Variants in PLCH1 observed in about 807,000 individuals in gnomAD.
The protein encoded by PLCH1 is phospholipase C eta 1, also known as 1-phosphatidylinositol 4,5-bisphosphate phosphodiesterase eta-1.
A neutral mutation model predicts 126.7 loss-of-function variants in PLCH1; 60 were observed. That is an observed-to-expected ratio of 0.47 (90% CI 0.38 to 0.59). PLCH1 has a LOEUF of 0.59. Among genes scored for constraint, PLCH1 ranks in the 20% least tolerant of loss-of-function variants. The pLI is 0.00. For missense variants in PLCH1, 1,723 were observed against 2,040.0 expected (o/e 0.84, Z 2.99); for synonymous variants, 719 against 734.9 (o/e 0.98, Z 0.35).
chr3:155,471,512 G>C (rs1713228864), intron 21 of PLCH1, among the ~76,000 whole-genome samples: 1 of 146,838 alleles, frequency 6.8e-6, no homozygotes, highest in African/African-American at 2.5e-5. Flanking sequence ...ACATTAGACA[G>C]ATCAACGAGA....
In PLCH1 at chr3:155,741,979, AC is replaced by A. The variant is rs1486345197; in HGVS notation, c.-41+2860del. Among the ~76,000 whole-genome samples, 7 of 152,320 alleles carry A rather than the reference AC, an allele frequency of 4.6e-5. No homozygotes were observed. In the East Asian group the frequency reaches 1.3e-3, roughly 29 times the overall value. ...ACATAATGCTTCCTATCCTAGATGT[AC>A]AGCCTTATCTAAATTACTCAGTTTC... On this transcript the variant is annotated intron_variant, in intron 1 of 22. Coordinates refer to ENST00000460012, the MANE Select transcript of PLCH1 (RefSeq NM_014996.4).
At chr3:155,530,457 C>T in intron 10 of PLCH1, among the ~76,000 whole-genome samples, 1 of 151,832 alleles carries the variant, frequency 6.6e-6, no homozygotes, top group Admixed American at 6.6e-5. Context: ...GCTGGGACTA[C>T]AGGTGCCTGC....
intron 2 of PLCH1, among the ~76,000 whole-genome samples, chr3:155,646,791 G>A (rs1740111007): frequency 6.6e-6 from 1 of 152,112 alleles, no homozygotes; most frequent in South Asian, 2.1e-4. Context: ...CCTGCCCCAA[G>A]CTCACGCTCT....
intron 2 of PLCH1, among the ~76,000 whole-genome samples, chr3:155,637,204 C>G (rs1054249340): frequency 6.6e-6 from 1 of 152,144 alleles, no homozygotes; most frequent in Non-Finnish European, 1.5e-5. Context: ...GTAAACTATA[C>G]CTGGATGCAG....
rs1389108153 is a variant in PLCH1, at chr3:155,583,550, C to T, written c.693G>A (p.Leu231=). Residue 231 remains leucine (L), a synonymous_variant, in exon 6 of 23, where the codon TTG becomes TTA. Coordinates refer to ENST00000460012, the MANE Select transcript of PLCH1 (RefSeq NM_014996.4). ...TCTTGTCACTGTAGCTCAAAAGTAA[C>T]AAATAAAGGTCTCGTCTCAAAGACA... The part of the protein sequence containing the change: ...KMMSLRRDLY[L]LLLSYSDKKD... 3 of 1,604,178 alleles carry T rather than the reference C, an allele frequency of 1.9e-6. No individual in the cohort carries two copies. Among genetic ancestry groups the T allele is most frequent in the Non-Finnish European group, 2.5e-6 (3 of 1,177,054 alleles).
chr3:155,679,450 G>A (rs1463617315), intron 2 of PLCH1, among the ~76,000 whole-genome samples: 4 of 152,134 alleles, frequency 2.6e-5, no homozygotes, highest in Non-Finnish European at 4.4e-5. Context: ...CCCAGTGGCT[G>A]GAAAAATAAA....
chr3:155,581,248 A>C (rs146275722), intron 6 of PLCH1, among the ~76,000 whole-genome samples: 26 of 152,210 alleles, frequency 1.7e-4, no homozygotes, highest in Non-Finnish European at 3.8e-4. Flanking sequence ...ATCCAGATCC[A>C]GACTGAAAGA....
intron 6 of PLCH1, among the ~76,000 whole-genome samples, chr3:155,575,466 C>T (rs192914676): frequency 1.8e-4 from 28 of 152,216 alleles, no homozygotes; most frequent in African/African-American, 5.1e-4. Context: ...AGCTACTACA[C>T]GGGTAATGTA....
intron 8 of PLCH1, 105 bp downstream of exon 8, chr3:155,564,810 G>C (rs1192404428): frequency 2.9e-6 from 2 of 692,484 alleles, no homozygotes; most frequent in African/African-American, 3.5e-5. Flanking sequence ...GTACTAATTA[G>C]TGTGAGAGTG....
Position 155,601,698 on chromosome 3 carries a change from T to C in PLCH1, c.80-5320A>G, listed in dbSNP as rs1733754380. Among the ~76,000 whole-genome samples, 2 of 152,190 alleles carry C rather than the reference T, an allele frequency of 1.3e-5. 1 individual carries two copies. The highest frequency in any genetic ancestry group is 4.1e-4 in the South Asian group (2 of 4,824). Reference sequence around the variant, plus strand: ...CATACATGCCACCTGATGCTGATTTTTTTTTACAGTTTTACTGAGGTGTCA... The same window carrying C: ...CATACATGCCACCTGATGCTGATTTCTTTTTACAGTTTTACTGAGGTGTCA... On this transcript the variant is annotated intron_variant, in intron 2 of 22. Transcript: ENST00000460012.
At chr3:155,684,588 A>C (rs1436465426) in intron 2 of PLCH1, among the ~76,000 whole-genome samples, 3 of 151,520 alleles carry the variant, frequency 2.0e-5, no homozygotes, top group African/African-American at 7.3e-5. Context: ...CATTTTATTA[A>C]AAAAAAAGAT....
At chr3:155,649,036 G>T (rs1222821970) in intron 2 of PLCH1, among the ~76,000 whole-genome samples, 2 of 152,184 alleles carry the variant, frequency 1.3e-5, no homozygotes, top group African/African-American at 2.4e-5. Flanking sequence ...TAAGCAAGGA[G>T]GTAACCTGAT....
chr3:155,721,919 T>C (rs1359268343), intron 1 of PLCH1, among the ~76,000 whole-genome samples: 2 of 152,030 alleles, frequency 1.3e-5, no homozygotes, highest in Non-Finnish European at 2.9e-5. Context: ...TGGTGGCACA[T>C]GCCTGTAATC....
At chr3:155,513,193 C>T (rs1293385381) in intron 12 of PLCH1, among the ~76,000 whole-genome samples, 4 of 152,140 alleles carry the variant, frequency 2.6e-5, no homozygotes, top group South Asian at 4.1e-4. Context: ...CAGAGGGCCT[C>T]GTCTCAACAG....
At chr3:155,547,739 A>G (rs906379452) in intron 10 of PLCH1, among the ~76,000 whole-genome samples, 2 of 151,888 alleles carry the variant, frequency 1.3e-5, no homozygotes, top group African/African-American at 4.8e-5. Context: ...TGTCCTTTGT[A>G]GGGACATGGA....
intron 21 of PLCH1, among the ~76,000 whole-genome samples, chr3:155,451,792 G>T (rs1712314670): frequency 6.6e-6 from 1 of 152,094 alleles, no homozygotes; most frequent in Non-Finnish European, 1.5e-5. Context: ...TTCTGCTTTT[G>T]GGCCTAAATT....
Position 155,673,107 on chromosome 3 carries a change from A to G in PLCH1, c.79+31039T>C, listed in dbSNP as rs1006780976. On this transcript the variant is annotated intron_variant, in intron 2 of 22. Transcript: ENST00000460012. ...ATGTCTAAATTTCTTAACCTGGATT[A>G]CCAGGTCTTTATTATAACACCTGGT... Among the ~76,000 whole-genome samples, 3 of 98,722 alleles carry G rather than the reference A, an allele frequency of 3.0e-5. No homozygotes were observed. The Admixed American group carries it at 4.5e-4, about 15-fold the overall frequency. The allele number at this position is 98,722 out of a possible 152,430, so 64.8% of individuals were successfully genotyped here.
At chr3:155,582,740 A>C (rs1730877222) in intron 6 of PLCH1, among the ~76,000 whole-genome samples, 1 of 152,154 alleles carries the variant, frequency 6.6e-6, no homozygotes, top group African/African-American at 2.4e-5. Flanking sequence ...TCCTCTCAAG[A>C]AGTCTAATAT....
intron 13 of PLCH1, among the ~76,000 whole-genome samples, chr3:155,502,825 A>G (rs772211168): frequency 6.6e-6 from 1 of 152,206 alleles, no homozygotes; most frequent in Admixed American, 6.5e-5. Context: ...TTACTTACAC[A>G]GTCTTTGGAG....
Sources: gnomAD v4.1 joint callset for allele counts (sites outside exome capture counted in the v4.1 genomes callset) on GRCh38, gnomAD v4.1.1 for gene constraint, MANE v1.5 for transcripts, NCBI Gene and HGNC (gene_info 2026-07-23, HGNC 2026-07-21) for gene names.